The following TMEM144 variants were observed in gnomAD, a reference collection of about 807,000 sequenced individuals.
The protein encoded by TMEM144 is transmembrane protein 144.
TMEM144 carries 39 observed loss-of-function variants against 43.6 expected under a neutral mutation model. The observed-to-expected ratio is 0.90, with a 90% CI of 0.69 to 1.17. The LOEUF (loss-of-function observed/expected upper bound fraction) is 1.17, where lower values mean the gene tolerates loss of function less well. Ranked by LOEUF, TMEM144 falls within the 50% of genes most tolerant of loss-of-function variation. TMEM144 has a pLI of 0.00. For synonymous variants in TMEM144, 154 were observed against 133.6 expected, an observed-to-expected ratio of 1.15 and a Z score of -1.06; for missense variants, 417 against 411.9, an observed-to-expected ratio of 1.01 and a Z score of -0.11.
At chr4:158,237,268 T>C (rs1008224018) in intron 8 of TMEM144, 1 of 359,392 alleles carries the variant, frequency 2.8e-6, no homozygotes, top group East Asian at 4.8e-5. Context: ...AACATAATTA[T>C]AATCCATTTT....
chr4:158,239,970 C>G (rs1735545609), intron 9 of TMEM144, among the ~76,000 whole-genome samples: 1 of 151,204 alleles, frequency 6.6e-6, no homozygotes, highest in African/African-American at 2.4e-5. Flanking sequence ...ACTTCAAGCT[C>G]CGCCTCCCAG....
In TMEM144 at chr4:158,215,306, G is replaced by A. The variant is rs1249968591; in HGVS notation, c.225G>A (p.Trp75Ter). 2 of 1,613,372 alleles carry A rather than the reference G, an allele frequency of 1.2e-6. No individual in the cohort carries two copies. Among genetic ancestry groups the A allele is most frequent in the Admixed American group, 3.3e-5 (2 of 59,910 alleles). The part of the protein sequence containing the change: ...WPFAMLGGCI[W>*]ATGNIAVVPI... ...TTGCAATGCTTGGGGGCTGCATTTG[G>A]GCAACAGGTAATGTCTGATATAACT... The change falls in exon 4 of 13, where the codon TGG becomes TGA. Residue 75 changes from tryptophan (W) to a stop codon, truncating the protein, a stop_gained. Coordinates refer to ENST00000296529, the MANE Select transcript of TMEM144 (RefSeq NM_018342.5). LOFTEE classifies it high-confidence loss of function.
intron 6 of TMEM144, among the ~76,000 whole-genome samples, chr4:158,232,486 T>C (rs555321678): frequency 2.5e-4 from 38 of 152,386 alleles, no homozygotes; most frequent in Middle Eastern, 3.4e-3. Flanking sequence ...GTGTGAGTTA[T>C]ACAGTTCTGC....
chr4:158,252,646 A>G (rs1240016888), intron 12 of TMEM144, among the ~76,000 whole-genome samples: 1 of 151,902 alleles, frequency 6.6e-6, no homozygotes, highest in Non-Finnish European at 1.5e-5. Context: ...TGCCTCTACT[A>G]AAAATACAAA....
chr4:158,248,650 G>A (rs1221897299), intron 12 of TMEM144, among the ~76,000 whole-genome samples: 3 of 152,192 alleles, frequency 2.0e-5, no homozygotes, highest in African/African-American at 7.2e-5. Flanking sequence ...AAGTATTTTT[G>A]TAGAAACAGG....
intron 9 of TMEM144, among the ~76,000 whole-genome samples, chr4:158,239,153 A>G (rs1382200263): frequency 2.0e-5 from 3 of 152,156 alleles, no homozygotes; most frequent in Non-Finnish European, 4.4e-5. Flanking sequence ...CATGCTTTTA[A>G]TCACTGTATT....
At chr4:158,233,234 C>G in intron 7 of TMEM144, 1 of 255,128 alleles carries the variant, frequency 3.9e-6, no homozygotes, top group Non-Finnish European at 7.4e-6. Context: ...TATATATAAC[C>G]CCATTTTTGT....
chr4:158,222,040 T>A (rs1734533427), intron 6 of TMEM144, among the ~76,000 whole-genome samples: 1 of 152,252 alleles, frequency 6.6e-6, no homozygotes, highest in Non-Finnish European at 1.5e-5. Context: ...ACCTGTCATC[T>A]TTATTTTTTT....
At chr4:158,249,803 C>A (rs1166717915) in intron 12 of TMEM144, among the ~76,000 whole-genome samples, 2 of 150,776 alleles carry the variant, frequency 1.3e-5, no homozygotes, top group Non-Finnish European at 1.5e-5. Context: ...ACCTATTCTG[C>A]ATTAGTACCA....
At chr4:158,249,110 T>C (rs1736043525) in intron 12 of TMEM144, among the ~76,000 whole-genome samples, 1 of 152,204 alleles carries the variant, frequency 6.6e-6, no homozygotes, top group African/African-American at 2.4e-5. Context: ...TTTCACAGTG[T>C]TGGCCAGGCT....
chr4:158,229,979 G>T (rs538732997), intron 6 of TMEM144, among the ~76,000 whole-genome samples: 1 of 152,230 alleles, frequency 6.6e-6, no homozygotes, highest in Non-Finnish European at 1.5e-5. Flanking sequence ...AGCTCAGATG[G>T]CTTAGGCAGC....
At chr4:158,233,545 A>T (rs1735193895) in intron 7 of TMEM144, 1 of 152,292 alleles carries the variant, frequency 6.6e-6, no homozygotes, top group African/African-American at 2.4e-5. Flanking sequence ...ATAAAGCGCA[A>T]GTGTCAGTAG....
intron 12 of TMEM144, 84 bp from the exon 13 acceptor site, chr4:158,253,360 G>T: frequency 1.7e-6 from 2 of 1,192,176 alleles, no homozygotes; most frequent in Non-Finnish European, 2.4e-6. Flanking sequence ...AGATGGTTAG[G>T]TCCCTAGCAA....
chr4:158,232,714 A>G (rs558069411), intron 6 of TMEM144, among the ~76,000 whole-genome samples, 187 bp from the exon 7 acceptor site: 2 of 152,372 alleles, frequency 1.3e-5, no homozygotes, highest in East Asian at 3.9e-4. Context: ...AATTAAGGAA[A>G]ATGAGAAACA....
chr4:158,244,091 G>C (rs1439652270), intron 11 of TMEM144, among the ~76,000 whole-genome samples: 1 of 151,886 alleles, frequency 6.6e-6, no homozygotes, highest in Non-Finnish European at 1.5e-5. Context: ...TCAAAATGAA[G>C]ACCATGAAGA....
chr4:158,237,739 C>T, intron 9 of TMEM144, 96 bp downstream of exon 9: 1 of 853,930 alleles, frequency 1.2e-6, no homozygotes, highest in South Asian at 2.0e-5. Flanking sequence ...TCGATTCGAT[C>T]TTTCTTTGTC....
chr4:158,226,876 G>GC (rs925680097), intron 6 of TMEM144, among the ~76,000 whole-genome samples: 50 of 151,586 alleles, frequency 3.3e-4, no homozygotes, highest in African/African-American at 9.7e-4. Context: ...CATAAATCCC[G>GC]CCCCCCCTTT....
Position 158,240,394 on chromosome 4 carries a change from C to G in TMEM144, c.778C>G (p.Leu260Val). The G allele has an allele frequency of 6.2e-7, 1 of 1,613,038 alleles. No individual in the cohort carries two copies. The highest frequency in any genetic ancestry group is 1.7e-5 in the Admixed American group (1 of 59,776). The stretch of plus-strand genomic sequence containing the variant: ...CATAGCCATGAAAAATAGTCCTAAA[C>G]TATATCCTGAAGCAGTCCTACCAGG... ...YCIAMKNSPK[L>V]YPEAVLPGFL... Residue 260 changes from leucine (L) to valine (V), a missense_variant, in exon 10 of 13, where the codon CTA (leucine) becomes GTA (valine). Leu to Val is a conservative substitution (Grantham distance 32). Transcript: ENST00000296529.
At chr4:158,242,716 A>AC (rs1393088519) in intron 11 of TMEM144, among the ~76,000 whole-genome samples, 1 of 152,192 alleles carries the variant, frequency 6.6e-6, no homozygotes, top group Non-Finnish European at 1.5e-5. Context: ...AGGGGCTGTT[A>AC]CCTCTGCTCC....
Sources: gnomAD v4.1 joint callset for allele counts (sites outside exome capture counted in the v4.1 genomes callset) on GRCh38, gnomAD v4.1.1 for gene constraint, MANE v1.5 for transcripts, NCBI Gene and HGNC (gene_info 2026-07-23, HGNC 2026-07-21) for gene names.